Variants in PDE4C observed in about 807,000 individuals in gnomAD.
PDE4C encodes phosphodiesterase 4C, also known as 3',5'-cyclic-AMP phosphodiesterase 4C.
PDE4C carries 50 observed loss-of-function variants against 63.9 expected under a neutral mutation model. The ratio of observed to expected loss-of-function variants is 0.78; its 90% confidence interval spans 0.62 to 0.99. PDE4C has a LOEUF of 0.99. Ranked by LOEUF, PDE4C falls within the 50% of genes least tolerant of loss-of-function variation. The pLI, the probability that PDE4C is intolerant of heterozygous loss-of-function variation, is 0.00. For synonymous variants in PDE4C, 377 were observed against 385.1 expected (o/e 0.98, Z 0.25); for missense variants, 777 against 899.1 (o/e 0.86, Z 1.74).
the PDE4C span, among the ~76,000 whole-genome samples, chr19:18,253,787 C>T: frequency 6.6e-6 from 1 of 152,196 alleles, no homozygotes; most frequent in South Asian, 2.1e-4. Context: ...CATCCCATCC[C>T]AGGCATGGAG....
chr19:18,227,740 C>A (rs577046205), upstream of PDE4C, among the ~76,000 whole-genome samples: 1 of 152,316 alleles, frequency 6.6e-6, no homozygotes, highest in African/African-American at 2.4e-5. Context: ...TGTGGAATGA[C>A]CTCTGTCTCT....
chr19:18,221,091 CG>C lies in PDE4C; in HGVS notation c.449+13del. ...TGCCGGCCCCGCCCCCGCCCCGCCC[CG>C]CCCTCTACCTACTTGGCTGCTCCTA... On this transcript the variant is annotated intron_variant, in intron 4 of 14. Transcript: ENST00000262805. The C allele has an allele frequency of 7.5e-7, 1 of 1,336,526 alleles. No individual in the cohort carries two copies. The highest frequency in any genetic ancestry group is 1.0e-6 in the Non-Finnish European group (1 of 988,258). The allele number at this position is 1,336,526 out of a possible 1,614,324, so 82.8% of individuals were successfully genotyped here.
chr19:18,223,889 G>A (rs2148036146), intron 1 of PDE4C, among the ~76,000 whole-genome samples: 1 of 152,256 alleles, frequency 6.6e-6, no homozygotes, highest in South Asian at 2.1e-4. Context: ...TAGCCAACTT[G>A]CTCACACCCT....
chr19:18,222,064 T>C, intron 2 of PDE4C, 68 bp downstream of exon 2: 1 of 1,381,778 alleles, frequency 7.2e-7, no homozygotes, highest in Non-Finnish European at 1.0e-6. Flanking sequence ...TGAAGGAGCT[T>C]GCTGAATAGA....
intron 2 of PDE4C, 77 bp from the exon 3 acceptor site, chr19:18,221,374 A>G: frequency 7.0e-7 from 1 of 1,426,378 alleles, no homozygotes; most frequent in South Asian, 1.3e-5. Flanking sequence ...CCCTCAACTG[A>G]GGGGGTCCTG....
At chr19:18,251,965 C>T, upstream of PDE4C, 1 of 397,728 alleles carries the variant, frequency 2.5e-6, no homozygotes. Context: ...CTTCCTAGAG[C>T]ATTCTCGGGG....
chr19:18,249,367 C>A (rs1194098466), upstream of PDE4C, among the ~76,000 whole-genome samples: 1 of 152,080 alleles, frequency 6.6e-6, no homozygotes, highest in African/African-American at 2.4e-5. Flanking sequence ...CTCTGACTCC[C>A]AGGCTCAACC....
At chr19:18,226,295 G>A (rs1284820709) in exon 1 of PDE4C, 1 of 1,569,212 alleles carries the variant, frequency 6.4e-7, no homozygotes, top group South Asian at 1.2e-5. Context: ...ACCGTGAAGC[G>A]CCGCTGCAGG....
At chr19:18,240,460 G>C (rs1969017970) in intron 1 of PDE4C, among the ~76,000 whole-genome samples, 1 of 151,370 alleles carries the variant, frequency 6.6e-6, no homozygotes, top group Non-Finnish European at 1.5e-5. Flanking sequence ...GGGCACGGTG[G>C]CTCATGCCTA....
At chr19:18,233,932 C>A (rs745779669), upstream of PDE4C, among the ~76,000 whole-genome samples, 1 of 152,186 alleles carries the variant, frequency 6.6e-6, no homozygotes, top group Non-Finnish European at 1.5e-5. Flanking sequence ...GTAGGCTCCG[C>A]GGTTCAGCCC....
chr19:18,226,246 G>A, intron 1 of PDE4C, 24 bp downstream of exon 1: 2 of 1,541,060 alleles, frequency 1.3e-6, no homozygotes, highest in Non-Finnish European at 8.8e-7. Context: ...CGGTGACCCC[G>A]CCAGGCCCTC....
At chr19:18,219,168 G>A (rs1968348753) in intron 8 of PDE4C, 66 bp downstream of exon 8, 17 of 1,607,136 alleles carry the variant, frequency 1.1e-5, no homozygotes, top group South Asian at 2.2e-5. Context: ...AAACAGGCCC[G>A]AGATAGGGCA....
intron 11 of PDE4C, 93 bp downstream of exon 11, chr19:18,218,056 C>T (rs1483611494): frequency 2.1e-6 from 2 of 933,502 alleles, no homozygotes; most frequent in Non-Finnish European, 3.4e-6. Context: ...AGACTGGGCT[C>T]AGGGCAGATG....
chr19:18,217,018 C>T, intron 11 of PDE4C, 123 bp from the exon 12 acceptor site: 1 of 1,094,828 alleles, frequency 9.1e-7, no homozygotes, highest in Non-Finnish European at 1.3e-6. Flanking sequence ...TCTAGCATGC[C>T]CTCCTGTAAG....
At chr19:18,231,238 CG>C (rs762789739), upstream of PDE4C, among the ~76,000 whole-genome samples, 6 of 152,328 alleles carry the variant, frequency 3.9e-5, no homozygotes, top group South Asian at 1.2e-3. Flanking sequence ...TGCTCATCCA[CG>C]TATGTGTGAC....
downstream of PDE4C, chr19:18,208,871 T>C (rs1047372744): frequency 6.6e-6 from 1 of 151,970 alleles, no homozygotes; most frequent in African/African-American, 2.4e-5. Context: ...CTGAGGCAGT[T>C]TCAGGAATCA....
intron 2 of PDE4C, among the ~76,000 whole-genome samples, chr19:18,221,615 T>G (rs1263771672): frequency 1.3e-5 from 1 of 76,020 alleles, no homozygotes; most frequent in African/African-American, 4.0e-5. Flanking sequence ...ATGGTTTGTT[T>G]GTTTGTTTGT....
At chr19:18,224,939 C>T (rs1431293828) in intron 1 of PDE4C, among the ~76,000 whole-genome samples, 1 of 152,240 alleles carries the variant, frequency 6.6e-6, no homozygotes, top group Non-Finnish European at 1.5e-5. Flanking sequence ...CCCTACCCCT[C>T]TCTCGGCTCT....
exon 10 of PDE4C, chr19:18,218,365 G>T (rs370618947): frequency 1.2e-6 from 2 of 1,614,140 alleles, no homozygotes; most frequent in Non-Finnish European, 1.7e-6. Context: ...CAGCACATGC[G>T]TGGACTGGGC....
Sources: allele counts gnomAD v4.1 joint callset (sites outside exome capture counted in the v4.1 genomes callset), GRCh38; gene constraint gnomAD v4.1.1; transcripts MANE v1.5; gene names NCBI Gene and HGNC (gene_info 2026-07-23, HGNC 2026-07-21).